The following COL21A1 variants were observed in gnomAD, a reference collection of about 807,000 sequenced individuals.
COL21A1 encodes the protein collagen type XXI alpha 1 chain.
A neutral mutation model predicts 137.9 loss-of-function variants in COL21A1; 149 were observed. The observed-to-expected ratio is 1.08, with a 90% CI of 0.95 to 1.24. The LOEUF is 1.24. Ranked by LOEUF, COL21A1 falls within the 50% of genes most tolerant of loss-of-function variation. The pLI is 0.00. For synonymous variants in COL21A1, 456 were observed against 391.5 expected (o/e 1.16, Z -1.95); for missense variants, 1,167 against 1,158.4 (o/e 1.01, Z -0.11).
intron 1 of COL21A1, among the ~76,000 whole-genome samples, chr6:56,344,001 T>A (rs777579042): frequency 1.3e-5 from 2 of 152,158 alleles, no homozygotes; most frequent in Non-Finnish European, 2.9e-5. Flanking sequence ...ATAACAATAT[T>A]TGACTATTTT....
At chr6:56,157,902 A>C (rs9382584) in intron 9 of COL21A1, among the ~76,000 whole-genome samples, 88,236 of 151,972 alleles carry the variant, frequency 0.58, 25,983 homozygotes, top group East Asian at 0.79. Context: ...AAGAAAAAAA[A>C]CTTTATCCTC....
chr6:56,196,087 T>C (rs754841855), intron 1 of COL21A1, among the ~76,000 whole-genome samples: 9 of 152,180 alleles, frequency 5.9e-5, no homozygotes, highest in Non-Finnish European at 1.2e-4. Flanking sequence ...ATAAACATGA[T>C]GTACCACATT....
intron 1 of COL21A1, among the ~76,000 whole-genome samples, chr6:56,362,621 C>T (rs1384964528): frequency 6.6e-6 from 1 of 152,064 alleles, no homozygotes; most frequent in Non-Finnish European, 1.5e-5. Flanking sequence ...AAGATATGCT[C>T]CTCCCCCAGT....
At chr6:56,148,846 T>C (rs139545364) in intron 10 of COL21A1, among the ~76,000 whole-genome samples, 85 of 152,330 alleles carry the variant, frequency 5.6e-4, no homozygotes, top group African/African-American at 2.0e-3. Flanking sequence ...GAATCTTCCC[T>C]CACAGGCTGT....
chr6:56,132,836 G>C (rs1026443325), intron 12 of COL21A1, among the ~76,000 whole-genome samples: 1 of 152,024 alleles, frequency 6.6e-6, no homozygotes, highest in Non-Finnish European at 1.5e-5. Context: ...TTAAAAATGC[G>C]AGTTTCCCTC....
chr6:56,154,273 C>G (rs1199513356), intron 10 of COL21A1, among the ~76,000 whole-genome samples: 1 of 152,150 alleles, frequency 6.6e-6, no homozygotes. Context: ...TAGTGTCATG[C>G]TCTTGGACTT....
intron 1 of COL21A1, among the ~76,000 whole-genome samples, chr6:56,187,436 C>T (rs1017401573): frequency 2.4e-4 from 37 of 152,112 alleles, no homozygotes; most frequent in African/African-American, 8.4e-4. Context: ...ACCATAGCAA[C>T]TTACTATAAG....
intron 28 of COL21A1, 35 bp downstream of exon 28, chr6:56,059,983 T>A (rs1562131068): frequency 6.6e-7 from 1 of 1,523,846 alleles, no homozygotes; most frequent in Non-Finnish European, 8.9e-7. Context: ...AAAGACTTTT[T>A]AAAATTCATT....
intron 1 of COL21A1, among the ~76,000 whole-genome samples, chr6:56,376,692 A>G (rs1358413187): frequency 6.6e-6 from 1 of 152,140 alleles, no homozygotes; most frequent in African/African-American, 2.4e-5. Context: ...AATTTTCTCC[A>G]TAAGTTAAGA....
Position 56,067,380 on chromosome 6 carries a change from G to A in COL21A1, c.2092-50C>T, listed in dbSNP as rs756538213. Reference sequence around the variant, plus strand: ...ATCATAATCTAGCATATTCTGTACAGTTTCAAATAAACATATATTTTTCTC... The same window carrying A: ...ATCATAATCTAGCATATTCTGTACAATTTCAAATAAACATATATTTTTCTC... On this transcript the variant is annotated intron_variant, in intron 22 of 29. Coordinates refer to ENST00000244728, the MANE Select transcript of COL21A1 (RefSeq NM_030820.4). 1.1e-5 allele frequency: 17 copies of A among 1,501,950 alleles called. No homozygotes were observed. In the South Asian group the frequency reaches 1.9e-4, roughly 17 times the overall value. 93.0% of individuals were successfully genotyped at this position (1,501,950 alleles called of 1,614,324 possible).
intron 1 of COL21A1, among the ~76,000 whole-genome samples, chr6:56,304,905 T>C (rs1764403830): frequency 1.3e-5 from 2 of 152,232 alleles, no homozygotes; most frequent in African/African-American, 2.4e-5. Flanking sequence ...CTGCTTTGAA[T>C]GTGTCCCAGA....
intron 1 of COL21A1, among the ~76,000 whole-genome samples, chr6:56,216,202 C>T (rs558517551): frequency 6.6e-6 from 1 of 152,056 alleles, no homozygotes; most frequent in Non-Finnish European, 1.5e-5. Flanking sequence ...ATGTGGAACA[C>T]TATATTGTCC....
In COL21A1 at chr6:56,162,712, G is replaced by A. The variant is rs1776282841; in HGVS notation, c.1371+1711C>T. ...AATTTCTACATTATATCTCATGCAG[G>A]TCAAATTACTTTTATGTATAATATT... is the stretch of plus-strand genomic sequence containing the variant. On this transcript the variant is annotated intron_variant, in intron 9 of 29. Coordinates refer to ENST00000244728, the MANE Select transcript of COL21A1 (RefSeq NM_030820.4). Among the ~76,000 whole-genome samples, 3 of 152,196 alleles carry A rather than the reference G, an allele frequency of 2.0e-5. No individual in the cohort carries two copies. In the South Asian group the frequency reaches 6.2e-4, roughly 32 times the overall value.
At chr6:56,363,506 A>T (rs1766023780) in intron 1 of COL21A1, among the ~76,000 whole-genome samples, 1 of 152,174 alleles carries the variant, frequency 6.6e-6, no homozygotes, top group Admixed American at 6.5e-5. Flanking sequence ...TGTGCCACAG[A>T]TCACTGTGGG....
intron 1 of COL21A1, among the ~76,000 whole-genome samples, chr6:56,384,052 A>T (rs1381133236): frequency 6.6e-6 from 1 of 152,174 alleles, no homozygotes; most frequent in East Asian, 1.9e-4. Flanking sequence ...TTTGTGGTGC[A>T]TCCATCCCTC....
At chr6:56,182,679 T>C in intron 1 of COL21A1, 23 bp from the exon 2 acceptor site, 7 of 1,018,848 alleles carry the variant, frequency 6.9e-6, no homozygotes, top group Non-Finnish European at 1.0e-5. Context: ...AAAAGGCAAG[T>C]TAAATATATT....
intron 17 of COL21A1, among the ~76,000 whole-genome samples, chr6:56,087,091 GTTTTGTTTT>G (rs1768331619): frequency 7.9e-6 from 1 of 126,572 alleles, no homozygotes; most frequent in South Asian, 2.4e-4. Context: ...GTTTTGTTTT[GTTTTGTTTT>G]GTTTTGTTTT....
Position 56,156,754 on chromosome 6 carries a change from G to A in COL21A1, c.1434+133C>T, listed in dbSNP as rs1480634264. 3.1e-5 allele frequency: 23 copies of A among 736,292 alleles called. No individual in the cohort carries two copies. The South Asian group carries it at 3.8e-4, about 12-fold the overall frequency. 45.6% of individuals were successfully genotyped at this position (736,292 alleles called of 1,614,324 possible). On this transcript the variant is annotated intron_variant, in intron 10 of 29. Coordinates refer to ENST00000244728, the MANE Select transcript of COL21A1 (RefSeq NM_030820.4). ...GCTCCTTTCGTTCCAACAGAGTTGA[G>A]TTCAGTCTCTCCTTCCTATGGCAGC...
intron 1 of COL21A1, among the ~76,000 whole-genome samples, chr6:56,361,518 G>T (rs947564394): frequency 2.6e-5 from 4 of 152,136 alleles, no homozygotes; most frequent in Admixed American, 1.3e-4. Flanking sequence ...TGTTTGAAAT[G>T]ATGTAGAAGA....
Sources: gnomAD v4.1 joint callset for allele counts (sites outside exome capture counted in the v4.1 genomes callset) on GRCh38, gnomAD v4.1.1 for gene constraint, MANE v1.5 for transcripts, NCBI Gene and HGNC (gene_info 2026-07-23, HGNC 2026-07-21) for gene names.